The following IFI44 variants were observed in gnomAD, a reference collection of about 807,000 sequenced individuals.
IFI44 encodes interferon-induced protein 44.
In IFI44, 42 loss-of-function variants were observed where a neutral mutation model predicts 45.0. The ratio of observed to expected loss-of-function variants is 0.93; its 90% CI spans 0.73 to 1.21. The LOEUF (loss-of-function observed/expected upper bound fraction) is 1.21, where lower values mean the gene tolerates loss of function less well. Ranked by LOEUF, IFI44 falls within the 50% of genes most tolerant of loss-of-function variation. IFI44 has a pLI of 0.00. For synonymous variants in IFI44, 221 were observed against 188.6 expected (o/e 1.17, Z -1.41); for missense variants, 623 against 525.8 (o/e 1.18, Z -1.81).
chr1:78,659,239 A>T (rs1416893982), intron 5 of IFI44, 73 bp from the exon 6 acceptor site: 1 of 1,223,408 alleles, frequency 8.2e-7, no homozygotes, highest in African/African-American at 1.5e-5. Context: ...ATTCACTTGC[A>T]CAGTGCCTGG....
At chr1:78,658,410 G>C (rs1401466913) in intron 5 of IFI44, among the ~76,000 whole-genome samples, 3 of 152,092 alleles carry the variant, frequency 2.0e-5, no homozygotes, top group Non-Finnish European at 4.4e-5. Flanking sequence ...TGTTTAGGTT[G>C]TATCATGTAT....
rs1190459282 is a variant in IFI44 at position 78,662,568 on chromosome 1, G to A, written c.1114-136G>A. The A allele has an allele frequency of 7.6e-6, 5 of 655,720 alleles. No homozygotes were observed. In the Admixed American group the frequency reaches 8.7e-5, roughly 11 times the overall value. The allele number at this position is 655,720 out of a possible 1,614,324, so 40.6% of individuals were successfully genotyped here. On this transcript the variant is annotated intron_variant, in intron 7 of 8. Transcript: ENST00000370747. Reference sequence around the variant, plus strand: ...GTGAAGTTCTTCAAGAGTACTTTGTGAGACCAGATCTCCATTTTTTTCCAA... The same window carrying A: ...GTGAAGTTCTTCAAGAGTACTTTGTAAGACCAGATCTCCATTTTTTTCCAA...
chr1:78,660,545 T>C lies in IFI44; in HGVS notation c.1013-9T>C, dbSNP rs772409401. ...TCTAAAATGATTTAAAAAATTCTGTTTGGCATAGGTGTGGTACATGTGGCT... is the reference window on the plus strand; with the variant it reads ...TCTAAAATGATTTAAAAAATTCTGTCTGGCATAGGTGTGGTACATGTGGCT... On this transcript the variant is annotated splice_polypyrimidine_tract_variant and intron_variant, in intron 6 of 8. Coordinates refer to ENST00000370747, the MANE Select transcript of IFI44 (RefSeq NM_006417.5). 2 of 1,596,830 alleles carry C rather than the reference T, an allele frequency of 1.3e-6. No homozygotes were observed. Among genetic ancestry groups the C allele is most frequent in the Non-Finnish European group, 1.7e-6 (2 of 1,167,258 alleles).
rs1239806402 is a variant in IFI44 at position 78,659,321 on chromosome 1, A to G, written c.850A>G (p.Met284Val). The change falls in exon 6 of 9, where the codon ATG becomes GTG. Residue 284 changes from methionine to valine, a missense_variant. Met to Val is a conservative substitution (Grantham distance 21). Transcript: ENST00000370747. ...TATGTCTACCTTACAGTTTAATCCC[A>G]TGGAATCAATCAAATTAAATCATCA... ...NIRDRYQFNP[M>V]ESIKLNHHDY... The G allele has an allele frequency of 1.2e-6, 2 of 1,611,868 alleles. No individual in the cohort carries two copies. The highest frequency in any genetic ancestry group is 1.7e-6 in the Non-Finnish European group (2 of 1,178,266).
chr1:78,662,514 C>T (rs919332613), intron 7 of IFI44, 190 bp from the exon 8 acceptor site: 4 of 555,502 alleles, frequency 7.2e-6, no homozygotes, highest in Admixed American at 6.5e-5. Context: ...TTCCAAATTA[C>T]AATTATCAGT....
Position 78,655,456 on chromosome 1 carries a change from T to G in IFI44, c.785T>G (p.Leu262Arg). The stretch of plus-strand genomic sequence containing the variant: ...GGGCTGAGTGAGAAAGAAGGCGGCC[T>G]GTGCAGGGATGACATATTCTATATC... Reference protein sequence around the residue: ...SLGLSEKEGGLCRDDIFYILN... With the variant: ...SLGLSEKEGGRCRDDIFYILN... The change falls in exon 5 of 9, where the codon CTG becomes CGG. Residue 262 changes from leucine to arginine, a missense_variant. By Grantham distance (102) the Leu-to-Arg change is moderately radical. Transcript: ENST00000370747. 1 of 1,613,872 alleles carries G rather than the reference T, an allele frequency of 6.2e-7. No homozygotes were observed. The highest frequency in any genetic ancestry group is 8.5e-7 in the Non-Finnish European group (1 of 1,179,794).
chr1:78,652,569 G>A (rs1390312271), intron 2 of IFI44, among the ~76,000 whole-genome samples: 1 of 152,278 alleles, frequency 6.6e-6, no homozygotes, highest in Non-Finnish European at 1.5e-5. Flanking sequence ...GTGTTCCCTG[G>A]TAAAGTGAGT....
intron 2 of IFI44, 32 bp from the exon 3 acceptor site, chr1:78,654,211 T>C (rs376437689): frequency 1.4e-5 from 18 of 1,248,842 alleles, no homozygotes; most frequent in Non-Finnish European, 2.1e-5. Context: ...CGACAACTTC[T>C]AATCTACATT....
intron 2 of IFI44, among the ~76,000 whole-genome samples, chr1:78,653,838 A>G (rs963123312): frequency 1.3e-5 from 2 of 152,160 alleles, no homozygotes; most frequent in Non-Finnish European, 2.9e-5. Flanking sequence ...TCTCAGACTT[A>G]TTGGATTATG....
rs1647101712 is a variant in IFI44, at chr1:78,650,326, G to A, written c.131G>A (p.Cys44Tyr). Residue 44 changes from cysteine (C) to tyrosine (Y), a missense_variant, in exon 2 of 9, where the codon TGT becomes TAT. Transcript: ENST00000370747. ...GFRNGVLLDR[C>Y]CNQGPTLTVI... ...CGTAATGGAGTTTTGCTTGACAGAT[G>A]TTGTAATCAAGGGCCTACTCTAACA... The A allele has an allele frequency of 1.2e-6, 2 of 1,613,938 alleles. No individual in the cohort carries two copies. Among genetic ancestry groups the A allele is most frequent in the African/African-American group, 1.3e-5 (1 of 74,912 alleles).
chr1:78,663,823 G>C lies in IFI44; in HGVS notation c.*12G>C. On this transcript the variant is annotated 3_prime_UTR_variant, in exon 9 of 9. Coordinates refer to ENST00000370747, the MANE Select transcript of IFI44 (RefSeq NM_006417.5). ...AAGGAAAAAAATAGATATGTGAAAG[G>C]TTCACGTAAATTTCCTCACATCACA... 6.2e-7 allele frequency: 1 copy of C among 1,610,022 alleles called. No homozygotes were observed.
rs762107395 is a variant in IFI44, at chr1:78,659,296, T to TA, written c.841-15dup. The TA allele has an allele frequency of 2.0e-4, 316 of 1,593,988 alleles. No individual in the cohort carries two copies. The African/African-American group carries it at 3.8e-3, about 19-fold the overall frequency. The stretch of plus-strand genomic sequence containing the variant: ...TATTTGTTGAATTAATATCTTGCTT[T>TA]ATGTCTACCTTACAGTTTAATCCCA... On this transcript the variant is annotated splice_polypyrimidine_tract_variant and intron_variant, in intron 5 of 8. Coordinates refer to ENST00000370747, the MANE Select transcript of IFI44 (RefSeq NM_006417.5).
chr1:78,651,255 G>C (rs1318755736), intron 2 of IFI44, among the ~76,000 whole-genome samples: 1 of 152,168 alleles, frequency 6.6e-6, no homozygotes, highest in Non-Finnish European at 1.5e-5. Context: ...TTGTAATGTA[G>C]AATCAGCGGG....
At chr1:78,658,429 G>A (rs1437279517) in intron 5 of IFI44, among the ~76,000 whole-genome samples, 3 of 151,988 alleles carry the variant, frequency 2.0e-5, no homozygotes, top group Non-Finnish European at 4.4e-5. Context: ...ATCCTTGGAG[G>A]GGTGTACAAA....
chr1:78,663,880 G>T lies in IFI44; in HGVS notation c.*69G>T. The T allele has an allele frequency of 6.8e-7, 1 of 1,479,890 alleles. No homozygotes were observed. Among genetic ancestry groups the T allele is most frequent in the South Asian group, 1.2e-5 (1 of 82,014 alleles). 91.7% of individuals were successfully genotyped at this position (1,479,890 alleles called of 1,614,324 possible). A position where few individuals can be genotyped will look rare whatever the true frequency, so the allele number is the denominator to read the frequency against. On this transcript the variant is annotated 3_prime_UTR_variant, in exon 9 of 9. Coordinates refer to ENST00000370747, the MANE Select transcript of IFI44 (RefSeq NM_006417.5). ...TAAAATTCAGAAAGGAGAAAACACA[G>T]ACCAAAGAGAAGTATCTAAGACCAA...
intron 6 of IFI44, among the ~76,000 whole-genome samples, chr1:78,659,901 G>C (rs1469894045): frequency 6.6e-6 from 1 of 152,156 alleles, no homozygotes; most frequent in Admixed American, 6.6e-5. Flanking sequence ...AAACAGGAAG[G>C]TAAGATGTTT....
In IFI44 at chr1:78,650,401, A is replaced by G. The variant is rs1254905485; in HGVS notation, c.206A>G (p.Tyr69Cys). 1.2e-6 allele frequency: 2 copies of G among 1,613,932 alleles called. No individual in the cohort carries two copies. The highest frequency in any genetic ancestry group is 1.7e-5 in the Admixed American group (1 of 60,000). Residue 69 changes from tyrosine (Y) to cysteine (C), a missense_variant, in exon 2 of 9, where the codon TAC becomes TGC. Physicochemically the swap from Tyr to Cys is radical, Grantham distance 194. Coordinates refer to ENST00000370747, the MANE Select transcript of IFI44 (RefSeq NM_006417.5). The stretch of plus-strand genomic sequence containing the variant: ...ATTGGAGCATATGCAGAAGAGAGTT[A>G]CCAGGAAGGAAAGTATGCTTCCATC... ...HIIGAYAEES[Y>C]QEGKYASIIL...
chr1:78,655,193 C>T lies in IFI44; in HGVS notation c.674C>T (p.Thr225Ile). 1 of 1,613,384 alleles carries T rather than the reference C, an allele frequency of 6.2e-7. No homozygotes were observed. The highest frequency in any genetic ancestry group is 1.1e-5 in the South Asian group (1 of 90,966). The change falls in exon 4 of 9, where the codon ACT becomes ATT. Residue 225 changes from threonine (T) to isoleucine (I), a missense_variant. Coordinates refer to ENST00000370747, the MANE Select transcript of IFI44 (RefSeq NM_006417.5). The stretch of plus-strand genomic sequence containing the variant: ...CAGGCTTTGGTGGGCACTAATACAA[C>T]TGGGATATCTGAGAAGGTAAGCACA... ...THQALVGTNTTGISEKYRTYS... is the reference protein window; with the variant it reads ...THQALVGTNTIGISEKYRTYS...
chr1:78,652,122 C>A (rs1647134338), intron 2 of IFI44, among the ~76,000 whole-genome samples: 1 of 152,064 alleles, frequency 6.6e-6, no homozygotes, highest in African/African-American at 2.4e-5. Context: ...GTCTCTGTCA[C>A]CCAGGCTGGA....
Sources: allele counts gnomAD v4.1 joint callset (sites outside exome capture counted in the v4.1 genomes callset), GRCh38; gene constraint gnomAD v4.1.1; transcripts MANE v1.5; gene names NCBI Gene and HGNC (gene_info 2026-07-23, HGNC 2026-07-21).